Variants in ZNF253 observed in about 807,000 individuals in gnomAD.
The protein encoded by ZNF253 is zinc finger protein 253, also known as DNA-binding protein.
Under a neutral mutation model 11.9 loss-of-function variants are expected in ZNF253, and 8 were observed. The ratio of observed to expected loss-of-function variants is 0.67; its 90% CI spans 0.40 to 1.22. The LOEUF (loss-of-function observed/expected upper bound fraction) is 1.22, where lower values mean the gene tolerates loss of function less well. ZNF253 is among the 50% of genes most tolerant of loss of function. The pLI is 0.01. For missense variants in ZNF253, 485 were observed against 586.9 expected, an observed-to-expected ratio of 0.83 and a Z score of 1.79; for synonymous variants, 194 against 194.9, an observed-to-expected ratio of 1.00 and a Z score of 0.04.
chr19:19,890,828 T>C (rs899544467), intron 3 of ZNF253, among the ~76,000 whole-genome samples: 3 of 143,016 alleles, frequency 2.1e-5, no homozygotes, highest in African/African-American at 8.1e-5. Flanking sequence ...TGGCCAACAA[T>C]TTAATTTTTT....
intron 1 of ZNF253, among the ~76,000 whole-genome samples, chr19:19,868,660 C>G (rs2063120937): frequency 6.6e-6 from 1 of 151,860 alleles, no homozygotes; most frequent in South Asian, 2.1e-4. Context: ...AGTTCAAAAA[C>G]TCTTTAAAAA....
rs1420138506 is a variant in ZNF253 at position 19,893,688 on chromosome 19, A to T, written c.*941A>T. ...CATCTTACTGAACAGAAGAAGGTTC[A>T]TAGTTAATAAAGCATTAAAAGTGCA... On this transcript the variant is annotated 3_prime_UTR_variant, in exon 4 of 4. Transcript: ENST00000589717. The T allele has an allele frequency of 6.6e-6, 1 of 152,266 alleles. No homozygotes were observed. Among genetic ancestry groups the T allele is most frequent in the Non-Finnish European group, 1.5e-5 (1 of 68,040 alleles). 9.4% of individuals were successfully genotyped at this position (152,266 alleles called of 1,614,324 possible).
At chr19:19,879,509 T>TCA (rs60009138) in intron 2 of ZNF253, among the ~76,000 whole-genome samples, 56,817 of 151,920 alleles carry the variant, frequency 0.37, 12,954 homozygotes, top group East Asian at 0.65. Context: ...CAACATTAAG[T>TCA]TTGAGAAATG....
In ZNF253 at chr19:19,885,279, CT is replaced by C. The variant is rs367969173; in HGVS notation, c.226+5136del. On this transcript the variant is annotated intron_variant, in intron 3 of 3. Coordinates refer to ENST00000589717, the MANE Select transcript of ZNF253 (RefSeq NM_021047.3). ...TCTTTCTTTCTTTCTTTCTTTCTTT[CT>C]TTCTTTCTTTCTCTTTCTTTTCTTT... Among the ~76,000 whole-genome samples the C allele has an allele frequency of 6.5e-4, 22 of 33,936 alleles. 3 individuals carry two copies. The African/African-American group carries it at 6.8e-3, about 10-fold the overall frequency. The allele number at this position is 33,936 out of a possible 152,430, so 22.3% of individuals were successfully genotyped here. A position where few individuals can be genotyped will look rare whatever the true frequency, so the allele number is the denominator to read the frequency against.
Position 19,891,756 on chromosome 19 carries a change from A to T in ZNF253, c.509A>T (p.Asn170Ile). Residue 170 changes from asparagine (N) to isoleucine (I), a missense_variant, in exon 4 of 4, where the codon AAT becomes ATT. Physicochemically the swap from Asn to Ile is moderately radical, Grantham distance 149. Transcript: ENST00000589717. ...TATAAGACAAGACATACTGGAATAA[A>T]TCTTTTCAAATGTATAATATGTGGC... ...NTYKTRHTGI[N>I]LFKCIICGKA... 1 of 1,614,126 alleles carries T rather than the reference A, an allele frequency of 6.2e-7. No individual in the cohort carries two copies. The highest frequency in any genetic ancestry group is 1.1e-5 in the South Asian group (1 of 91,074).
chr19:19,875,486 C>G (rs2063151234), intron 1 of ZNF253, among the ~76,000 whole-genome samples: 1 of 151,204 alleles, frequency 6.6e-6, no homozygotes, highest in South Asian at 2.1e-4. Flanking sequence ...AGCTCTGCCT[C>G]CTGGGTTCAC....
chr19:19,891,007 A>ATTTTTTTTTTTTTTTTTTTTTTT (rs1568501169), intron 3 of ZNF253, among the ~76,000 whole-genome samples: 12 of 149,814 alleles, frequency 8.0e-5, no homozygotes, highest in African/African-American at 3.0e-4. Flanking sequence ...TGTCTGGCTA[A>ATTTTTTTTTTTTTTTTTTTTTTT]TTTTTTGTAT....
intron 3 of ZNF253, among the ~76,000 whole-genome samples, chr19:19,890,891 G>T (rs902829751): frequency 4.9e-5 from 7 of 143,888 alleles, no homozygotes; most frequent in African/African-American, 1.9e-4. Flanking sequence ...GCCCAGGCTG[G>T]AGTGCAGTGG....
At chr19:19,880,517 C>G (rs1246019252) in intron 3 of ZNF253, among the ~76,000 whole-genome samples, 1 of 151,840 alleles carries the variant, frequency 6.6e-6, no homozygotes, top group Non-Finnish European at 1.5e-5. Context: ...TTAGCCTGAC[C>G]AACATGGTGA....
At chr19:19,888,421 T>G (rs2063215399) in intron 3 of ZNF253, among the ~76,000 whole-genome samples, 1 of 130,660 alleles carries the variant, frequency 7.7e-6, no homozygotes, top group Non-Finnish European at 1.5e-5. Flanking sequence ...TCTCTTTCTG[T>G]CTTTTTGTGT....
At chr19:19,866,246 T>G (rs2063110448) in intron 1 of ZNF253, among the ~76,000 whole-genome samples, 1 of 152,044 alleles carries the variant, frequency 6.6e-6, no homozygotes, top group Non-Finnish European at 1.5e-5. Context: ...CAGCACCGCG[T>G]CTCTCCCAGA....
At chr19:19,889,824 G>A (rs369383613) in intron 3 of ZNF253, among the ~76,000 whole-genome samples, 3 of 152,078 alleles carry the variant, frequency 2.0e-5, no homozygotes, top group African/African-American at 7.2e-5. Flanking sequence ...ATTTTTAGTA[G>A]TTACAGGGTT....
rs545282015 is a variant in ZNF253, at chr19:19,893,135, G to A, written c.*388G>A. 8.0e-4 allele frequency: 139 copies of A among 174,636 alleles called. 1 individual carries two copies. The highest frequency in any genetic ancestry group is 3.2e-3 in the African/African-American group (133 of 41,814). 10.8% of individuals were successfully genotyped at this position (174,636 alleles called of 1,614,324 possible). On this transcript the variant is annotated 3_prime_UTR_variant, in exon 4 of 4. Coordinates refer to ENST00000589717, the MANE Select transcript of ZNF253 (RefSeq NM_021047.3). ...TGGGATTACAGGTGCCCAACACCAC[G>A]CCTGGCTAATTTTTGGATTTTTAGT... is the stretch of plus-strand genomic sequence containing the variant.
intron 3 of ZNF253, among the ~76,000 whole-genome samples, chr19:19,882,906 G>A (rs1463758848): frequency 6.6e-6 from 1 of 151,846 alleles, no homozygotes; most frequent in Non-Finnish European, 1.5e-5. Flanking sequence ...GGGAAGCAGA[G>A]GTTGCAATGA....
rs1293476861 is a variant in ZNF253 at position 19,890,212 on chromosome 19, TTTA to T, written c.227-1259_227-1257del. On this transcript the variant is annotated intron_variant, in intron 3 of 3. Coordinates refer to ENST00000589717, the MANE Select transcript of ZNF253 (RefSeq NM_021047.3). ...GATGTGTCTTGTCTAAAATTTTGTG[TTTA>T]TTGTTTAGTTAAATCGGCTTATTCA... Among the ~76,000 whole-genome samples, 3 of 152,266 alleles carry T rather than the reference TTTA, an allele frequency of 2.0e-5. No homozygotes were observed. In the East Asian group the frequency reaches 5.8e-4, roughly 29 times the overall value.
At chr19:19,871,113 T>A (rs2063132143) in intron 1 of ZNF253, 2 of 152,194 alleles carry the variant, frequency 1.3e-5, no homozygotes, top group Non-Finnish European at 2.9e-5. Context: ...ACTCTCACAG[T>A]GAGAACTTTT....
intron 1 of ZNF253, among the ~76,000 whole-genome samples, chr19:19,877,529 C>A (rs1163587714): frequency 3.3e-5 from 5 of 152,142 alleles, no homozygotes; most frequent in Admixed American, 6.6e-5. Context: ...GCATGTGCCA[C>A]AACGCCCAGC....
At chr19:19,878,784 A>T in intron 2 of ZNF253, 177 bp downstream of exon 2, 1 of 557,442 alleles carries the variant, frequency 1.8e-6, no homozygotes, top group Non-Finnish European at 2.9e-6. Context: ...GACCACAAAG[A>T]TAACCCTGTA....
intron 3 of ZNF253, among the ~76,000 whole-genome samples, chr19:19,890,381 A>G (rs1370876669): frequency 2.0e-5 from 3 of 152,152 alleles, no homozygotes; most frequent in East Asian, 1.9e-4. Flanking sequence ...TCAGCATTTT[A>G]TGTCATGGGA....
Sources: allele counts gnomAD v4.1 joint callset (sites outside exome capture counted in the v4.1 genomes callset), GRCh38; gene constraint gnomAD v4.1.1; transcripts MANE v1.5; gene names NCBI Gene and HGNC (gene_info 2026-07-23, HGNC 2026-07-21).